Variants in ERICH6B observed in about 807,000 individuals in gnomAD.
ERICH6B encodes the protein glutamate rich 6B.
A neutral mutation model predicts 80.0 loss-of-function variants in ERICH6B; 69 were observed. The ratio of observed to expected loss-of-function variants is 0.86; its 90% CI spans 0.71 to 1.05. ERICH6B has a LOEUF of 1.05. Among genes scored for constraint, ERICH6B ranks in the 50% least tolerant of loss-of-function variants. The pLI, the probability that ERICH6B is intolerant of heterozygous loss-of-function variation, is 0.00. For missense variants in ERICH6B, 754 were observed against 796.1 expected (o/e 0.95, Z 0.64); for synonymous variants, 283 against 291.9 (o/e 0.97, Z 0.31).
rs141833803 is a variant in ERICH6B at position 45,591,191 on chromosome 13, A to T, written c.638-494T>A. ...ACAAAATGGCAACAGGGGAAGCAGTAGAGAAACGAGAACCAGAACATTTGA... is the reference window on the plus strand; with the variant it reads ...ACAAAATGGCAACAGGGGAAGCAGTTGAGAAACGAGAACCAGAACATTTGA... On this transcript the variant is annotated intron_variant, in intron 3 of 14. Transcript: ENST00000298738. 5.3e-5 allele frequency among the ~76,000 whole-genome samples: 8 copies of T among 152,360 alleles called. No homozygotes were observed. In the East Asian group the frequency reaches 1.5e-3, roughly 29 times the overall value.
At chr13:45,610,855 G>A (rs1403161295) in intron 1 of ERICH6B, among the ~76,000 whole-genome samples, 15 of 137,748 alleles carry the variant, frequency 1.1e-4, no homozygotes, top group East Asian at 4.1e-4. Context: ...GTGTGTGTGT[G>A]TGTATATATA....
intron 3 of ERICH6B, among the ~76,000 whole-genome samples, chr13:45,593,522 A>G (rs893242019): frequency 6.6e-6 from 1 of 152,210 alleles, no homozygotes; most frequent in African/African-American, 2.4e-5. Context: ...CCTCCCACAC[A>G]TCCTATGAGG....
chr13:45,575,063 A>G, intron 7 of ERICH6B, 133 bp from the exon 8 acceptor site: 1 of 621,446 alleles, frequency 1.6e-6, no homozygotes, highest in South Asian at 2.0e-5. Flanking sequence ...TACATCATCA[A>G]TGAGATGTTA....
intron 1 of ERICH6B, among the ~76,000 whole-genome samples, chr13:45,610,106 T>G (rs1180547562): frequency 6.6e-6 from 1 of 152,172 alleles, no homozygotes; most frequent in African/African-American, 2.4e-5. Flanking sequence ...CATAAATGAT[T>G]GCCAGCCATT....
intron 8 of ERICH6B, among the ~76,000 whole-genome samples, chr13:45,573,460 C>T (rs1028954397): frequency 2.6e-5 from 4 of 152,192 alleles, no homozygotes; most frequent in Non-Finnish European, 4.4e-5. Context: ...ACATTTATTT[C>T]ATAGCCTTCT....
chr13:45,557,086 C>G (rs1202566936), intron 11 of ERICH6B, among the ~76,000 whole-genome samples: 1 of 152,184 alleles, frequency 6.6e-6, no homozygotes. Context: ...TTCACCGCAT[C>G]CACACCAACA....
chr13:45,583,374 G>A lies in ERICH6B; in HGVS notation c.857-2709C>T, dbSNP rs1875753735. 2.6e-5 allele frequency among the ~76,000 whole-genome samples: 4 copies of A among 152,138 alleles called. No individual in the cohort carries two copies. The South Asian group carries it at 8.3e-4, about 32-fold the overall frequency. On this transcript the variant is annotated intron_variant, in intron 5 of 14. Transcript: ENST00000298738. The stretch of plus-strand genomic sequence containing the variant: ...ATGTTTTGGTAAGAATGTTTATCCT[G>A]GGATTGATTCAGTTTTCCTGACACT...
intron 3 of ERICH6B, among the ~76,000 whole-genome samples, chr13:45,593,568 A>G (rs184851030): frequency 1.3e-5 from 2 of 152,270 alleles, no homozygotes; most frequent in African/African-American, 2.4e-5. Flanking sequence ...AATGAAGACA[A>G]CCAAGACATG....
intron 4 of ERICH6B, among the ~76,000 whole-genome samples, chr13:45,590,222 C>T (rs907571275): frequency 6.6e-6 from 1 of 151,440 alleles, no homozygotes; most frequent in Non-Finnish European, 1.5e-5. Flanking sequence ...AGTCCTGTCA[C>T]AAGATTTTAA....
intron 2 of ERICH6B, among the ~76,000 whole-genome samples, chr13:45,601,225 C>A (rs896136913): frequency 4.6e-5 from 7 of 152,084 alleles, no homozygotes; most frequent in Non-Finnish European, 1.0e-4. Context: ...ACTGGGATCT[C>A]TTTTCTCCTG....
intron 9 of ERICH6B, among the ~76,000 whole-genome samples, chr13:45,566,852 C>T (rs1236345049): frequency 6.6e-6 from 1 of 152,190 alleles, no homozygotes; most frequent in African/African-American, 2.4e-5. Context: ...CTCCAGACCC[C>T]AGAATGGTGG....
chr13:45,598,787 C>A (rs1352613067), intron 2 of ERICH6B, among the ~76,000 whole-genome samples: 2 of 152,284 alleles, frequency 1.3e-5, no homozygotes, highest in East Asian at 1.9e-4. Flanking sequence ...CAGGTGGCCC[C>A]CAGCTGCCAG....
In ERICH6B at chr13:45,596,874, CT is replaced by C. The variant is rs759548531; in HGVS notation, c.131del (p.Gln44ArgfsTer37). 1.6e-5 allele frequency: 25 copies of C among 1,551,720 alleles called. No homozygotes were observed. The highest frequency in any genetic ancestry group is 2.1e-5 in the Non-Finnish European group (24 of 1,147,036). On this transcript the variant is annotated frameshift_variant, in exon 3 of 15. Transcript: ENST00000298738. LOFTEE classifies it high-confidence loss of function. The stretch of plus-strand genomic sequence containing the variant: ...CCTCTGGAGAAAATGGAGATTCATC[CT>C]GTAGACTTTCCTCATCTAGTTCTAC... ...TEVELDEESL[Q>X]DESPFSPEGE...
intron 3 of ERICH6B, among the ~76,000 whole-genome samples, chr13:45,591,900 G>T (rs965119064): frequency 3.9e-5 from 6 of 152,198 alleles, no homozygotes; most frequent in Admixed American, 3.9e-4. Context: ...TTAAAAAAAG[G>T]AACAAGAAGA....
intron 9 of ERICH6B, among the ~76,000 whole-genome samples, chr13:45,567,793 T>C (rs866530773): frequency 5.3e-5 from 8 of 152,340 alleles, no homozygotes; most frequent in Admixed American, 3.3e-4. Context: ...AGGTCTACAA[T>C]AACCTTACAG....
intron 5 of ERICH6B, among the ~76,000 whole-genome samples, chr13:45,584,629 CGTTGAAAAGCTACATTTTCACGACT>C (rs1875820300): frequency 6.6e-6 from 1 of 152,304 alleles, no homozygotes; most frequent in African/African-American, 2.4e-5. Context: ...TTCTGATAAG[CGTTGAAAAGCTACATTTTCACGACT>C]GCTTGGTGAC....
intron 3 of ERICH6B, among the ~76,000 whole-genome samples, chr13:45,592,453 T>C (rs1381097091): frequency 6.6e-6 from 1 of 152,230 alleles, no homozygotes; most frequent in Non-Finnish European, 1.5e-5. Flanking sequence ...CTAGGTTCCC[T>C]GTTGGAAATG....
At chr13:45,580,001 AC>A (rs1875589356) in intron 6 of ERICH6B, 27 bp from the exon 7 acceptor site, 1 of 1,493,484 alleles carries the variant, frequency 6.7e-7, no homozygotes, top group South Asian at 1.2e-5. Context: ...AAAATTATTA[AC>A]AGGATACGGT....
At chr13:45,604,127 A>T (rs2138032275) in intron 2 of ERICH6B, among the ~76,000 whole-genome samples, 1 of 152,326 alleles carries the variant, frequency 6.6e-6, no homozygotes, top group Middle Eastern at 3.4e-3. Context: ...CACACTTGTG[A>T]TCATCTCTCA....
Sources: gnomAD v4.1 joint callset for allele counts (sites outside exome capture counted in the v4.1 genomes callset) on GRCh38, gnomAD v4.1.1 for gene constraint, MANE v1.5 for transcripts, NCBI Gene and HGNC (gene_info 2026-07-23, HGNC 2026-07-21) for gene names.